The following OTOG variants were observed in gnomAD, a reference collection of about 807,000 sequenced individuals.
The protein encoded by OTOG is otogelin.
Under a neutral mutation model 313.8 loss-of-function variants are expected in OTOG, and 296 were observed. The ratio of observed to expected loss-of-function variants is 0.94; its 90% CI spans 0.86 to 1.04. The LOEUF (loss-of-function observed/expected upper bound fraction) is 1.04. OTOG is among the 50% of genes least tolerant of loss of function. OTOG has a pLI of 0.00. For missense variants in OTOG, 3,948 were observed against 3,840.1 expected (o/e 1.03, Z -0.74); for synonymous variants, 1,533 against 1,554.9 (o/e 0.99, Z 0.33).
Position 17,638,525 on chromosome 11 carries a change from CGCT to C in OTOG, c.7876_7878del (p.Cys2626del). The C allele has an allele frequency of 6.4e-7, 1 of 1,550,434 alleles. No homozygotes were observed. Among genetic ancestry groups the C allele is most frequent in the Non-Finnish European group, 8.7e-7 (1 of 1,146,968 alleles). On this transcript the variant is annotated inframe_deletion, in exon 48 of 56. Transcript: ENST00000399397. ...CCTGGTGGAGGTGTGGAGCCCCGAC[CGCT>C]GCTGCCCCTACAAATCCTGTGGTGA...
rs114417076 is a variant in OTOG, at chr11:17,635,658, C to T, written c.7742C>T (p.Ala2581Val). Residue 2581 changes from alanine to valine, a missense_variant, in exon 47 of 56, where the codon GCG becomes GTG. By Grantham distance (64) the Ala-to-Val change is moderately conservative (BLOSUM62 0). Coordinates refer to ENST00000399397, the MANE Select transcript of OTOG (RefSeq NM_001292063.2). ...ATCCCCGAATGTCAAGAAGGGGAGG[C>T]GCTCACTGTGCACAGGAATACCACG... ...DSIPECQEGE[A>V]LTVHRNTTEL... 109 of 1,550,578 alleles carry T rather than the reference C, an allele frequency of 7.0e-5. 1 individual carries two copies. In the African/African-American group the frequency reaches 1.0e-3, roughly 15 times the overall value.
chr11:17,606,036 A>G lies in OTOG; in HGVS notation c.4057A>G (p.Lys1353Glu), dbSNP rs1219536113. The G allele has an allele frequency of 1.3e-6, 2 of 1,550,420 alleles. No individual in the cohort carries two copies. The highest frequency in any genetic ancestry group is 2.7e-5 in the African/African-American group (2 of 73,048). ...CCTGGTGGCCCTGGAGTCCCTGGCC[A>G]AGCCCAGCTCCTTCCTCTATGTGTC... is the stretch of plus-strand genomic sequence containing the variant. The part of the protein sequence containing the change: ...AGLVALESLA[K>E]PSSFLYVSGA... The change falls in exon 33 of 56, where the codon AAG (lysine) becomes GAG (glutamate). Residue 1353 changes from lysine (K) to glutamate (E), a missense_variant. Lys to Glu is a moderately conservative substitution (Grantham distance 56, BLOSUM62 1). Coordinates refer to ENST00000399397, the MANE Select transcript of OTOG (RefSeq NM_001292063.2).
chr11:17,615,523 A>G (rs1853697747), intron 39 of OTOG, among the ~76,000 whole-genome samples: 1 of 152,202 alleles, frequency 6.6e-6, no homozygotes, highest in East Asian at 1.9e-4. Context: ...ATTTTTGTAA[A>G]TGGTACAAAG....
At position 17,629,211 on chromosome 11, in the gene OTOG, A is replaced by G. The variant is rs1854056161; in HGVS notation, c.6607A>G (p.Met2203Val). ...FRIEDTGHMY[M>V]ILTPSDIQIQ... ...AATTGAGGACACAGGCCACATGTAC[A>G]TGATCCTGACTCCCTCAGACATCCA... Residue 2203 changes from methionine to valine, a missense_variant, in exon 40 of 56, where the codon ATG becomes GTG. Met to Val is a conservative substitution (Grantham distance 21, BLOSUM62 1). Transcript: ENST00000399397. 1 of 1,550,524 alleles carries G rather than the reference A, an allele frequency of 6.4e-7. No individual in the cohort carries two copies. Among genetic ancestry groups the G allele is most frequent in the Admixed American group, 2.0e-5 (1 of 50,994 alleles).
intron 11 of OTOG, 49 bp downstream of exon 11, chr11:17,559,210 G>A (rs556806354): frequency 2.3e-6 from 3 of 1,308,600 alleles, no homozygotes; most frequent in Non-Finnish European, 3.1e-6. Flanking sequence ...GCTGTGGGTG[G>A]CATTCTCAGG....
chr11:17,600,222 C>T (rs1853215569), intron 31 of OTOG, among the ~76,000 whole-genome samples: 1 of 152,114 alleles, frequency 6.6e-6, no homozygotes, highest in African/African-American at 2.4e-5. Context: ...CAGGTCATAA[C>T]CAAAGACCCA....
intron 15 of OTOG, among the ~76,000 whole-genome samples, chr11:17,562,077 G>T (rs1852202419): frequency 7.0e-6 from 1 of 142,848 alleles, no homozygotes; most frequent in Non-Finnish European, 1.5e-5. Context: ...ATATATGTAT[G>T]TATATGAAAG....
intron 23 of OTOG, among the ~76,000 whole-genome samples, chr11:17,584,725 C>G (rs943087807): frequency 6.6e-6 from 1 of 152,172 alleles, no homozygotes; most frequent in Non-Finnish European, 1.5e-5. Context: ...GGGGGTTTGC[C>G]ATGTTGGCCA....
In OTOG at chr11:17,612,890, C is replaced by G. The variant is rs1182665017; in HGVS notation, c.6438+125C>G. 3.3e-6 allele frequency: 4 copies of G among 1,214,800 alleles called. No homozygotes were observed. In the African/African-American group the frequency reaches 6.1e-5, roughly 19 times the overall value. The allele number at this position is 1,214,800 out of a possible 1,614,324, so 75.3% of individuals were successfully genotyped here. A position where few individuals can be genotyped will look rare whatever the true frequency, so the allele number is the denominator to read the frequency against. On this transcript the variant is annotated intron_variant, in intron 38 of 55. Transcript: ENST00000399397. ...ATGTGGAAGCCCCCCTGAGCTCCCT[C>G]TGTCTCCAGGAATGGGCAGGGCCTC...
intron 3 of OTOG, among the ~76,000 whole-genome samples, chr11:17,548,418 C>CTTTTTTTTTTTTTTT (rs56402246): frequency 1.1e-5 from 1 of 87,628 alleles, no homozygotes; most frequent in African/African-American, 4.7e-5. Flanking sequence ...ATAGTCCACT[C>CTTTTTTTTTTTTTTT]TTTTTTTTTT....
At chr11:17,552,166 C>A (rs1851951116) in intron 4 of OTOG, 91 bp downstream of exon 4, 3 of 1,288,964 alleles carry the variant, frequency 2.3e-6, no homozygotes, top group South Asian at 1.3e-5. Context: ...GGGCTTCCCT[C>A]AGGCCTCCAT....
intron 6 of OTOG, 45 bp downstream of exon 6, chr11:17,553,564 C>T (rs1395187212): frequency 8.7e-6 from 12 of 1,387,158 alleles, no homozygotes; most frequent in Middle Eastern, 1.9e-4. Context: ...CTTCTCTAGG[C>T]CCTGGAGGCT....
intron 34 of OTOG, among the ~76,000 whole-genome samples, chr11:17,608,929 C>T (rs893306199): frequency 3.3e-5 from 5 of 152,110 alleles, no homozygotes; most frequent in African/African-American, 7.2e-5. Flanking sequence ...CAGGAGTGTG[C>T]CGCATACACA....
intron 40 of OTOG, among the ~76,000 whole-genome samples, chr11:17,631,337 G>A (rs1285393512): frequency 6.9e-6 from 1 of 145,654 alleles, no homozygotes; most frequent in Non-Finnish European, 1.5e-5. Context: ...ACCCAGATTT[G>A]CCCCATTTGC....
rs1482605363 is a variant in OTOG at position 17,561,723 on chromosome 11, C to T, written c.1560C>T (p.Phe520=). Residue 520 remains phenylalanine, a synonymous_variant, in exon 15 of 56, where the codon TTC becomes TTT. Coordinates refer to ENST00000399397, the MANE Select transcript of OTOG (RefSeq NM_001292063.2). ...FTTFDGRRYT[F]PATCQYILAK... is the part of the protein sequence containing the mutation. The stretch of plus-strand genomic sequence containing the variant: ...CCTTTGATGGCCGCCGGTACACGTT[C>T]CCCGCCACATGTCAGTACATCCTGG... The T allele has an allele frequency of 1.3e-6, 2 of 1,550,504 alleles. No individual in the cohort carries two copies. Among genetic ancestry groups the T allele is most frequent in the Admixed American group, 3.9e-5 (2 of 51,006 alleles).
chr11:17,565,049 A>G (rs910008231), intron 15 of OTOG, among the ~76,000 whole-genome samples: 11 of 152,204 alleles, frequency 7.2e-5, no homozygotes, highest in African/African-American at 2.7e-4. Context: ...TTCCCTTGAC[A>G]TCTTTGTTAA....
intron 30 of OTOG, among the ~76,000 whole-genome samples, chr11:17,597,760 T>G (rs923709813): frequency 2.0e-5 from 3 of 152,246 alleles, no homozygotes; most frequent in Non-Finnish European, 4.4e-5. Flanking sequence ...CAAAGGATTT[T>G]CCTCGTGCAA....
intron 20 of OTOG, 83 bp downstream of exon 20, chr11:17,574,995 C>G: frequency 2.3e-6 from 3 of 1,333,184 alleles, no homozygotes; most frequent in Non-Finnish European, 3.0e-6. Flanking sequence ...GGGAACCTGG[C>G]TGGGCCTCTT....
intron 47 of OTOG, 26 bp from the exon 48 acceptor site, chr11:17,638,425 T>G: frequency 6.6e-7 from 1 of 1,524,770 alleles, no homozygotes. Flanking sequence ...GTGACTGACG[T>G]GTCAACTGCC....
Sources: gnomAD v4.1 joint callset for allele counts (sites outside exome capture counted in the v4.1 genomes callset) on GRCh38, gnomAD v4.1.1 for gene constraint, MANE v1.5 for transcripts, NCBI Gene and HGNC (gene_info 2026-07-23, HGNC 2026-07-21) for gene names.